CD5: variants seen among roughly 807,000 people sequenced by gnomAD.
CD5 encodes CD5 molecule, also known as T-cell surface glycoprotein CD5.
A neutral mutation model predicts 60.3 loss-of-function variants in CD5; 36 were observed. The observed-to-expected ratio is 0.60, with a 90% CI of 0.46 to 0.79. CD5 has a LOEUF of 0.79. Among genes scored for constraint, CD5 ranks in the 30% least tolerant of loss-of-function variants. The pLI is 0.00. For synonymous variants in CD5, 230 were observed against 257.6 expected (o/e 0.89, Z 1.03); for missense variants, 540 against 630.6 (o/e 0.86, Z 1.54).
At chr11:61,122,374 GA>G (rs1387792789) in intron 6 of CD5, among the ~76,000 whole-genome samples, 14 of 20,226 alleles carry the variant, frequency 6.9e-4, no homozygotes, top group African/African-American at 4.5e-3. Flanking sequence ...GTGGATGGAT[GA>G]TGGATGGATG....
Position 61,118,878 on chromosome 11 carries a change from C to T in CD5, c.401-37C>T. 1 of 1,561,934 alleles carries T rather than the reference C, an allele frequency of 6.4e-7. No individual in the cohort carries two copies. ...CTGGCTGCCCCCGGCCCTCCCCACA[C>T]CACCCATTCCTCCCTCACCAGAGTG... On this transcript the variant is annotated intron_variant, in intron 3 of 10. Transcript: ENST00000347785. This position sits in a 1 kb window ranked among gnomAD's most constrained non-coding sequence, Gnocchi z 4.7.
chr11:61,106,124 CAAAAAAAAAA>C (rs36003583), intron 1 of CD5, among the ~76,000 whole-genome samples: 6 of 81,888 alleles, frequency 7.3e-5, no homozygotes, highest in African/African-American at 2.3e-4. Context: ...GACTCCATCT[CAAAAAAAAAA>C]AAAAAAAAAA....
intron 1 of CD5, among the ~76,000 whole-genome samples, chr11:61,102,872 T>G (rs777883327): frequency 2.4e-4 from 36 of 152,198 alleles, no homozygotes; most frequent in Non-Finnish European, 4.4e-4. Flanking sequence ...ACCCTTCCAG[T>G]GCAAGAGAGA....
Position 61,122,899 on chromosome 11 carries a change from T to G in CD5, c.1100-8T>G. The G allele has an allele frequency of 6.2e-7, 1 of 1,609,320 alleles. No individual in the cohort carries two copies. The highest frequency in any genetic ancestry group is 8.5e-7 in the Non-Finnish European group (1 of 1,176,576). On this transcript the variant is annotated splice_polypyrimidine_tract_variant and splice_region_variant and intron_variant, in intron 6 of 10. Transcript: ENST00000347785. ...CTGGGACTGACCTAACTCTTCCTCC[T>G]TCCCCAGGCCAGGATCCAAACCCCG... is the stretch of plus-strand genomic sequence containing the variant.
chr11:61,115,012 AG>A, intron 1 of CD5, 43 bp from the exon 2 acceptor site: 11 of 1,541,190 alleles, frequency 7.1e-6, no homozygotes, highest in Non-Finnish European at 9.7e-6. Flanking sequence ...GAAGGGAGAG[AG>A]TGGGAGGTTT....
At chr11:61,102,657 C>T in intron 1 of CD5, 42 bp downstream of exon 1, 1 of 1,507,642 alleles carries the variant, frequency 6.6e-7, no homozygotes, top group Non-Finnish European at 9.1e-7. Context: ...CCCGGGCTCG[C>T]TCCAGTGCAA....
chr11:61,107,809 G>A (rs1252249483), intron 1 of CD5, among the ~76,000 whole-genome samples: 2 of 152,178 alleles, frequency 1.3e-5, no homozygotes, highest in East Asian at 1.9e-4. Flanking sequence ...GATACGGTAG[G>A]AATAGCGTAG....
At chr11:61,110,881 G>A (rs1860845267) in intron 1 of CD5, among the ~76,000 whole-genome samples, 1 of 152,176 alleles carries the variant, frequency 6.6e-6, no homozygotes, top group Admixed American at 6.5e-5. Context: ...TGGTGATGAT[G>A]ATGGTGACGG....
chr11:61,122,236 G>A (rs1385810979), intron 6 of CD5, among the ~76,000 whole-genome samples: 3 of 147,430 alleles, frequency 2.0e-5, no homozygotes, highest in African/African-American at 7.5e-5. Context: ...TACATGAATG[G>A]TAACTAAACG....
intron 5 of CD5, 85 bp from the exon 6 acceptor site, chr11:61,121,526 T>C: frequency 8.4e-7 from 1 of 1,191,574 alleles, no homozygotes; most frequent in Admixed American, 2.8e-5. Flanking sequence ...GGGCCCCGAT[T>C]TGCCAGTGGC....
intron 9 of CD5, 138 bp downstream of exon 9, chr11:61,125,289 C>T (rs1338746570): frequency 8.6e-6 from 8 of 933,738 alleles, no homozygotes; most frequent in African/African-American, 4.9e-5. Context: ...GATCAAACAT[C>T]GCAGGATGCA....
Position 61,112,838 on chromosome 11 carries a change from C to T in CD5, c.56-2218C>T, listed in dbSNP as rs1860877387. On this transcript the variant is annotated intron_variant, in intron 1 of 10. Transcript: ENST00000347785. Reference sequence around the variant, plus strand: ...TCACATGGCCATGATGACTTCATTACAAAGAGTCTTGATTCGGGGACAAGG... The same window carrying T: ...TCACATGGCCATGATGACTTCATTATAAAGAGTCTTGATTCGGGGACAAGG... 3.9e-5 allele frequency among the ~76,000 whole-genome samples: 6 copies of T among 152,222 alleles called. No individual in the cohort carries two copies. In the South Asian group the frequency reaches 8.3e-4, roughly 21 times the overall value.
Position 61,125,168 on chromosome 11 carries a change from G to A in CD5, c.1399+17G>A, listed in dbSNP as rs1861129421. ...CTTATCCAGGTAAGCACCAGCGGGT[G>A]CTCCCAGGCACGCAGGCAGGGCTGC... is the stretch of plus-strand genomic sequence containing the variant. On this transcript the variant is annotated intron_variant, in intron 9 of 10. Coordinates refer to ENST00000347785, the MANE Select transcript of CD5 (RefSeq NM_014207.4). The A allele has an allele frequency of 2.5e-6, 4 of 1,613,732 alleles. No individual in the cohort carries two copies. The highest frequency in any genetic ancestry group is 1.1e-5 in the South Asian group (1 of 91,054).
At chr11:61,094,433 C>T in the CD5 span, among the ~76,000 whole-genome samples, 14 of 152,062 alleles carry the variant, frequency 9.2e-5, no homozygotes, top group East Asian at 3.9e-4. Context: ...TGGTTTGAAT[C>T]GCTTGACAGG....
chr11:61,115,177 A>T, intron 2 of CD5, 83 bp downstream of exon 2: 1 of 1,308,212 alleles, frequency 7.6e-7, no homozygotes, highest in Non-Finnish European at 1.1e-6. Flanking sequence ...GGACCTCTCG[A>T]TGAAGCCATC....
At chr11:61,108,334 G>A (rs1170284868) in intron 1 of CD5, among the ~76,000 whole-genome samples, 1 of 152,184 alleles carries the variant, frequency 6.6e-6, no homozygotes, top group African/African-American at 2.4e-5. Flanking sequence ...CGCTCACTGG[G>A]ACAGGCCCTG....
chr11:61,123,144 A>T (rs1169947039), intron 7 of CD5, 112 bp downstream of exon 7: 1 of 1,265,650 alleles, frequency 7.9e-7, no homozygotes, highest in African/African-American at 1.5e-5. Context: ...CACGCAGGAC[A>T]CCTCTGCTTC....
chr11:61,120,290 A>T (rs1013163687), intron 5 of CD5, among the ~76,000 whole-genome samples: 7 of 152,222 alleles, frequency 4.6e-5, no homozygotes, highest in Non-Finnish European at 7.3e-5. Flanking sequence ...CTCCGGAAGT[A>T]GTGGGTTCCC....
rs755591260 is a variant in CD5 at position 61,123,894 on chromosome 11, G to A, written c.1236G>A (p.Lys412=). 6.5e-7 allele frequency: 1 copy of A among 1,531,348 alleles called. No individual in the cohort carries two copies. The highest frequency in any genetic ancestry group is 1.8e-5 in the Admixed American group (1 of 55,900). 94.9% of individuals were successfully genotyped at this position (1,531,348 alleles called of 1,614,324 possible). Residue 412 remains lysine (K), a synonymous_variant, in exon 8 of 11, where the codon AAG becomes AAA. Transcript: ENST00000347785. The part of the protein sequence containing the change: ...YKKLVKKFRQ[K]KQRQWIGPTG... ...TTGTCTCTTGCCCAGTCCGCCAGAAGAAGCAGCGCCAGTGGATTGGCCCAA... is the reference window on the plus strand; with the variant it reads ...TTGTCTCTTGCCCAGTCCGCCAGAAAAAGCAGCGCCAGTGGATTGGCCCAA...
Sources: gnomAD v4.1 joint callset for allele counts (sites outside exome capture counted in the v4.1 genomes callset) on GRCh38, gnomAD v4.1.1 for gene constraint, Gnocchi (gnomAD v3.1) non-coding constraint, MANE v1.5 for transcripts, NCBI Gene and HGNC (gene_info 2026-07-23, HGNC 2026-07-21) for gene names.